Variants in CUX1 observed in about 807,000 individuals in gnomAD.
CUX1 encodes the protein protein CASP.
Under a neutral mutation model 158.8 loss-of-function variants are expected in CUX1, and 31 were observed. The ratio of observed to expected loss-of-function variants is 0.20; its 90% confidence interval spans 0.15 to 0.26. CUX1 has a LOEUF of 0.26. Among genes scored for constraint, CUX1 ranks in the 10% least tolerant of loss-of-function variants. CUX1 has a pLI of 1.00. For synonymous variants in CUX1, 879 were observed against 862.1 expected, an observed-to-expected ratio of 1.02 and a Z score of -0.34; for missense variants, 1,589 against 2,014.6, an observed-to-expected ratio of 0.79 and a Z score of 4.04.
intron 23 of CUX1, among the ~76,000 whole-genome samples, chr7:102,243,668 TAATAA>T (rs1800482764): frequency 6.9e-6 from 1 of 145,184 alleles, no homozygotes; most frequent in Non-Finnish European, 1.5e-5. Flanking sequence ...ATAATAATAA[TAATAA>T]TAATAAAATA....
At chr7:101,998,980 T>A (rs552270082) in intron 2 of CUX1, among the ~76,000 whole-genome samples, 3 of 152,132 alleles carry the variant, frequency 2.0e-5, no homozygotes, top group African/African-American at 7.2e-5. Flanking sequence ...AGCATTTCCC[T>A]CCTCGGGCAG....
chr7:102,105,176 TACACACACACACACACACAC>T (rs3076512), intron 6 of CUX1, among the ~76,000 whole-genome samples: 2 of 144,426 alleles, frequency 1.4e-5, no homozygotes, highest in African/African-American at 5.1e-5. Context: ...TATTTAATAT[TACACACACACACACACACAC>T]ACACACACAC....
chr7:102,188,652 CA>C, intron 11 of CUX1: 1 of 151,098 alleles, frequency 6.6e-6, no homozygotes, highest in Non-Finnish European at 1.5e-5. Flanking sequence ...ACTAAAAACA[CA>C]AAAAAAAGTA....
intron 1 of CUX1, among the ~76,000 whole-genome samples, chr7:101,826,048 A>G (rs930488553): frequency 2.0e-5 from 3 of 152,140 alleles, no homozygotes; most frequent in Admixed American, 1.3e-4. Flanking sequence ...TTCTTAGGGT[A>G]GCAGACAGAG....
Position 102,081,648 on chromosome 7 carries a change from T to C in CUX1, c.268+11231T>C, listed in dbSNP as rs1407840950. Among the ~76,000 whole-genome samples the C allele has an allele frequency of 3.4e-5, 5 of 146,768 alleles. 1 individual carries two copies. The highest frequency in any genetic ancestry group is 7.7e-5 in the Non-Finnish European group (5 of 65,008). On this transcript the variant is annotated intron_variant, in intron 4 of 23. Transcript: ENST00000292535. ...AGTCTCAGGTATTTCTTTTTTGTTTTTTTTGAGATGGAGTCTCACCATCGC... is the reference window on the plus strand; with the variant it reads ...AGTCTCAGGTATTTCTTTTTTGTTTCTTTTGAGATGGAGTCTCACCATCGC...
At chr7:102,009,127 C>T (rs1338059269) in intron 2 of CUX1, among the ~76,000 whole-genome samples, 6 of 152,216 alleles carry the variant, frequency 3.9e-5, no homozygotes, top group African/African-American at 7.2e-5. Context: ...GTAGCTTTGG[C>T]GCCAGCCGCA....
intron 1 of CUX1, among the ~76,000 whole-genome samples, chr7:101,849,912 A>ATTTTT (rs71106570): frequency 4.0e-5 from 5 of 124,298 alleles, no homozygotes; most frequent in African/African-American, 6.4e-5. Context: ...GTCTCATGCA[A>ATTTTT]TTTTTTTTTT....
intron 14 of CUX1, among the ~76,000 whole-genome samples, chr7:102,271,732 A>G (rs1554546320): frequency 6.6e-6 from 1 of 152,206 alleles, no homozygotes; most frequent in Non-Finnish European, 1.5e-5. Flanking sequence ...TGTCTGAAGG[A>G]AGAAATCCAT....
intron 14 of CUX1, among the ~76,000 whole-genome samples, chr7:102,271,930 G>A (rs563816658): frequency 2.0e-5 from 3 of 152,342 alleles, no homozygotes; most frequent in Non-Finnish European, 4.4e-5. Flanking sequence ...GTTGAGGCAG[G>A]AAAATTGCTT....
chr7:101,816,631 G>T (rs1301812005), upstream of CUX1, among the ~76,000 whole-genome samples: 5 of 144,532 alleles, frequency 3.5e-5, no homozygotes, highest in Admixed American at 6.8e-5. Context: ...AGTTTGTGGG[G>T]AGTTGCTGCG....
chr7:101,927,831 T>A (rs1276133856), intron 2 of CUX1, among the ~76,000 whole-genome samples: 1 of 152,230 alleles, frequency 6.6e-6, no homozygotes, highest in African/African-American at 2.4e-5. Context: ...GTTGCTCTGT[T>A]CCTTGTCACT....
At chr7:101,974,001 C>T (rs921001412) in intron 2 of CUX1, among the ~76,000 whole-genome samples, 14 of 151,656 alleles carry the variant, frequency 9.2e-5, no homozygotes, top group Non-Finnish European at 2.1e-4. Flanking sequence ...AACTCCTGAC[C>T]TCGTGATCCA....
At chr7:101,831,770 C>T (rs1036054744) in intron 1 of CUX1, among the ~76,000 whole-genome samples, 16 of 112,330 alleles carry the variant, frequency 1.4e-4, no homozygotes, top group African/African-American at 5.5e-4. Context: ...GAGACAGAGT[C>T]TCGCTCTGTC....
Position 102,152,887 on chromosome 7 carries a change from A to C in CUX1, c.675-5673A>C, listed in dbSNP as rs563995320. On this transcript the variant is annotated intron_variant, in intron 8 of 23. Coordinates refer to ENST00000292535, the MANE Select transcript of CUX1 (RefSeq NM_181552.4). ...GTGTGGTGTCGTCATTGTCATTCGA[A>C]AGCCTGGGGAAAGAGAGTTGCTTTT... Among the ~76,000 whole-genome samples the C allele has an allele frequency of 1.1e-4, 16 of 152,302 alleles. No individual in the cohort carries two copies. The East Asian group carries it at 3.1e-3, about 29-fold the overall frequency.
intron 23 of CUX1, among the ~76,000 whole-genome samples, chr7:102,246,589 T>C (rs1225257111): frequency 6.6e-6 from 1 of 151,904 alleles, no homozygotes; most frequent in Non-Finnish European, 1.5e-5. Flanking sequence ...TTTTTTCCCT[T>C]GAGACAGGAT....
rs1554517593 is a variant in CUX1 at position 102,193,822 on chromosome 7, C to T, written c.1077-20C>T. The T allele has an allele frequency of 1.9e-6, 3 of 1,612,672 alleles. No individual in the cohort carries two copies. The highest frequency in any genetic ancestry group is 1.7e-5 in the Admixed American group (1 of 59,870). On this transcript the variant is annotated intron_variant, in intron 12 of 23. Coordinates refer to ENST00000292535, the MANE Select transcript of CUX1 (RefSeq NM_181552.4). ...GTCTCAAAAAATAAATAAAATAACC[C>T]CTCTGTTGTGCTCTTGCAGCATTCT...
At position 102,197,106 on chromosome 7, in the gene CUX1, T is replaced by G. The variant is rs377351572; in HGVS notation, c.1695T>G (p.Ile565Met). Residue 565 changes from isoleucine (I) to methionine (M), a missense_variant, in exon 15 of 24, where the codon ATT becomes ATG. Transcript: ENST00000292535. ...CCCGGCAGGTCAAAGAGCAGCTGAT[T>G]AAGCACAATATCGGACAACGTATTT... ...EIARQVKEQLIKHNIGQRIFG... is the reference protein window; with the variant it reads ...EIARQVKEQLMKHNIGQRIFG... The G allele has an allele frequency of 6.2e-6, 10 of 1,614,124 alleles. No homozygotes were observed. The highest frequency in any genetic ancestry group is 1.1e-5 in the South Asian group (1 of 91,096).
At chr7:102,118,263 C>A (rs147776961) in intron 8 of CUX1, among the ~76,000 whole-genome samples, 1 of 152,124 alleles carries the variant, frequency 6.6e-6, no homozygotes, top group Admixed American at 6.6e-5. Flanking sequence ...TAGGGCCAGG[C>A]GCGGTGGCTC....
chr7:101,852,566 C>T (rs1318361017), intron 1 of CUX1, among the ~76,000 whole-genome samples: 2 of 151,122 alleles, frequency 1.3e-5, no homozygotes, highest in African/African-American at 4.9e-5. Flanking sequence ...TGCAGTGAGC[C>T]GAGATCACAC....
Sources: gnomAD v4.1 joint callset for allele counts (sites outside exome capture counted in the v4.1 genomes callset) on GRCh38, gnomAD v4.1.1 for gene constraint, MANE v1.5 for transcripts, NCBI Gene and HGNC (gene_info 2026-07-23, HGNC 2026-07-21) for gene names.